Variants in PLXNA2 observed in about 807,000 individuals in gnomAD.
PLXNA2 encodes the protein plexin A2, also known as plexin-A2.
Under a neutral mutation model 193.5 loss-of-function variants are expected in PLXNA2, and 91 were observed. The ratio of observed to expected loss-of-function variants is 0.47; its 90% CI spans 0.40 to 0.56. PLXNA2 has a LOEUF of 0.56. Ranked by LOEUF, PLXNA2 falls within the 20% of genes least tolerant of loss-of-function variation. The pLI, the probability that PLXNA2 is intolerant of heterozygous loss-of-function variation, is 0.00. For synonymous variants in PLXNA2, 997 were observed against 1,027.3 expected, an observed-to-expected ratio of 0.97 and a Z score of 0.56; for missense variants, 1,995 against 2,503.2, an observed-to-expected ratio of 0.80 and a Z score of 4.33.
chr1:208,030,939 G>T, intron 29 of PLXNA2: 1 of 986,302 alleles, frequency 1.0e-6, no homozygotes, highest in Middle Eastern at 5.2e-4. Flanking sequence ...CCCACTGCTG[G>T]TCTGGTTGCA....
chr1:208,189,344 A>G (rs1670103653), intron 3 of PLXNA2, among the ~76,000 whole-genome samples: 2 of 152,108 alleles, frequency 1.3e-5, no homozygotes, highest in African/African-American at 4.8e-5. Context: ...ACAGAGGCAG[A>G]GCAAAGATAG....
At chr1:208,102,871 CAA>C (rs1667140541) in intron 5 of PLXNA2, among the ~76,000 whole-genome samples, 1 of 152,186 alleles carries the variant, frequency 6.6e-6, no homozygotes, top group Non-Finnish European at 1.5e-5. Flanking sequence ...TGAGTTCTTT[CAA>C]AGACACAAGG....
intron 4 of PLXNA2, among the ~76,000 whole-genome samples, chr1:208,131,655 G>A (rs571588521): frequency 1.1e-4 from 16 of 152,292 alleles, no homozygotes; most frequent in Non-Finnish European, 1.9e-4. Flanking sequence ...ATATGGGTTT[G>A]CATGGTTCAC....
At chr1:208,040,359 A>C in intron 22 of PLXNA2, 2 of 395,960 alleles carry the variant, frequency 5.1e-6, no homozygotes, top group East Asian at 5.0e-5. Flanking sequence ...GGATAAAGGC[A>C]CCTCACTATC....
intron 9 of PLXNA2, 54 bp downstream of exon 9, chr1:208,092,732 G>A (rs1666756299): frequency 1.6e-6 from 2 of 1,254,254 alleles, no homozygotes; most frequent in Non-Finnish European, 2.3e-6. Context: ...TAAAGAGGGA[G>A]GGGCCACTCA....
intron 12 of PLXNA2, among the ~76,000 whole-genome samples, chr1:208,072,610 G>C (rs1387380216): frequency 1.3e-5 from 2 of 152,092 alleles, no homozygotes; most frequent in Non-Finnish European, 1.5e-5. Context: ...CTCATTGGTG[G>C]GCATAGCCAA....
chr1:208,118,169 G>T (rs1473606907), intron 4 of PLXNA2, among the ~76,000 whole-genome samples: 1 of 152,140 alleles, frequency 6.6e-6, no homozygotes, highest in Non-Finnish European at 1.5e-5. Context: ...CTTCAGCACC[G>T]CATTGTTCAC....
rs1258922347 is a variant in PLXNA2 at position 208,165,445 on chromosome 1, C to T, written c.1372-22982G>A. ...GCTCTGAGAGTTTATGAGACTTGCC[C>T]AAAGTCACACATCTAGGAAGTGGCA... is the stretch of plus-strand genomic sequence containing the variant. On this transcript the variant is annotated intron_variant, in intron 3 of 31. Coordinates refer to ENST00000367033, the MANE Select transcript of PLXNA2 (RefSeq NM_025179.4). Among the ~76,000 whole-genome samples the T allele has an allele frequency of 2.0e-5, 3 of 152,236 alleles. No homozygotes were observed. In the East Asian group the frequency reaches 5.8e-4, roughly 29 times the overall value.
In PLXNA2 at chr1:208,082,426, G is replaced by A; in HGVS notation, c.2381C>T (p.Pro794Leu). The A allele has an allele frequency of 2.5e-6, 4 of 1,613,936 alleles. No homozygotes were observed. Among genetic ancestry groups the A allele is most frequent in the Non-Finnish European group, 3.4e-6 (4 of 1,179,860 alleles). ...VWNGNFIIDNPQDLKVHLYKC... is the reference protein window; with the variant it reads ...VWNGNFIIDNLQDLKVHLYKC... ...TAGCCGCTTACCTTTCAGGTCCTGA[G>A]GGTTGTCAATGATGAAATTGCCGTT... Residue 794 changes from proline (P) to leucine (L), a missense_variant, in exon 11 of 32, where the codon CCT becomes CTT. By Grantham distance (98) the Pro-to-Leu change is moderately conservative. Coordinates refer to ENST00000367033, the MANE Select transcript of PLXNA2 (RefSeq NM_025179.4). The surrounding 1 kb of genome is among the most constrained non-coding windows in gnomAD (Gnocchi z 4.2).
At chr1:208,186,783 A>G (rs1670019767) in intron 3 of PLXNA2, among the ~76,000 whole-genome samples, 2 of 147,690 alleles carry the variant, frequency 1.4e-5, no homozygotes, top group Admixed American at 6.8e-5. Flanking sequence ...GCAGTGGCGC[A>G]ATCTCGGCTC....
At chr1:208,126,885 A>G (rs1667988933) in intron 4 of PLXNA2, among the ~76,000 whole-genome samples, 1 of 152,204 alleles carries the variant, frequency 6.6e-6, no homozygotes, top group African/African-American at 2.4e-5. Flanking sequence ...GCACACAAGA[A>G]GAGAGGCAGG....
chr1:208,179,152 G>A (rs1462591166), intron 3 of PLXNA2, among the ~76,000 whole-genome samples: 1 of 152,128 alleles, frequency 6.6e-6, no homozygotes, highest in Non-Finnish European at 1.5e-5. Flanking sequence ...GAGGCGGGGA[G>A]GCTGCCACAA....
rs547306432 is a variant in PLXNA2 at position 208,044,344 on chromosome 1, G to A, written c.3874+164C>T. Among the ~76,000 whole-genome samples, 2 of 152,364 alleles carry A rather than the reference G, an allele frequency of 1.3e-5. No individual in the cohort carries two copies. Among genetic ancestry groups the A allele is most frequent in the South Asian group, 4.1e-4 (2 of 4,826 alleles). On this transcript the variant is annotated intron_variant, in intron 20 of 31. Coordinates refer to ENST00000367033, the MANE Select transcript of PLXNA2 (RefSeq NM_025179.4). The surrounding 1 kb of genome is among the most constrained non-coding windows in gnomAD (Gnocchi z 4.9). ...TGGGCATTCTTCATTGGACATCTCT[G>A]ACCCTATAAGCAAAAGAAGTTCTGG...
chr1:208,078,505 C>A (rs1571891244), intron 12 of PLXNA2, among the ~76,000 whole-genome samples: 1 of 152,300 alleles, frequency 6.6e-6, no homozygotes, highest in South Asian at 2.1e-4. Context: ...CACTGGGTAC[C>A]TGCCTGGGCC....
intron 3 of PLXNA2, among the ~76,000 whole-genome samples, chr1:208,158,085 T>C (rs1030674829): frequency 3.3e-5 from 5 of 152,070 alleles, no homozygotes; most frequent in African/African-American, 1.2e-4. Context: ...AGAAGGAAGG[T>C]AGGAAGGAGG....
chr1:208,095,917 C>T, intron 8 of PLXNA2, 112 bp downstream of exon 8: 5 of 794,606 alleles, frequency 6.3e-6, no homozygotes, highest in Non-Finnish European at 8.7e-6. Flanking sequence ...CATGGGGAAA[C>T]TGTGAGGTGA....
intron 2 of PLXNA2, among the ~76,000 whole-genome samples, chr1:208,212,893 T>C (rs1671010421): frequency 6.6e-6 from 1 of 152,258 alleles, no homozygotes; most frequent in Non-Finnish European, 1.5e-5. Context: ...CTGTGTGACC[T>C]TGATATGTCA....
intron 21 of PLXNA2, 91 bp from the exon 22 acceptor site, chr1:208,042,457 C>A: frequency 7.1e-7 from 1 of 1,416,422 alleles, no homozygotes; most frequent in Non-Finnish European, 9.8e-7. Context: ...CTGGCGATGA[C>A]ACTAGCTGTA....
chr1:208,138,682 C>T (rs189546361), intron 4 of PLXNA2, among the ~76,000 whole-genome samples: 2 of 152,238 alleles, frequency 1.3e-5, no homozygotes, highest in African/African-American at 4.8e-5. Context: ...CCCAAGAGTT[C>T]GAGACCAGCC....
Sources: gnomAD v4.1 joint callset for allele counts (sites outside exome capture counted in the v4.1 genomes callset) on GRCh38, gnomAD v4.1.1 for gene constraint, Gnocchi (gnomAD v3.1) non-coding constraint, MANE v1.5 for transcripts, NCBI Gene and HGNC (gene_info 2026-07-23, HGNC 2026-07-21) for gene names.